The following ASTN1 variants were observed in gnomAD, a reference collection of about 807,000 sequenced individuals.
The protein encoded by ASTN1 is astrotactin 1.
In ASTN1, 41 loss-of-function variants were observed where a neutral mutation model predicts 140.7. The ratio of observed to expected loss-of-function variants is 0.29; its 90% CI spans 0.23 to 0.38. The LOEUF is 0.38. Ranked by LOEUF, ASTN1 falls within the 10% of genes least tolerant of loss-of-function variation. ASTN1 has a pLI of 1.00. For synonymous variants in ASTN1, 640 were observed against 652.2 expected, an observed-to-expected ratio of 0.98 and a Z score of 0.29; for missense variants, 1,479 against 1,678.8, an observed-to-expected ratio of 0.88 and a Z score of 2.08.
At chr1:177,071,055 C>A (rs1316232194) in intron 1 of ASTN1, among the ~76,000 whole-genome samples, 2 of 152,128 alleles carry the variant, frequency 1.3e-5, no homozygotes, top group Non-Finnish European at 1.5e-5. Flanking sequence ...CTTCATAAGT[C>A]CAGGAACTAT....
intron 6 of ASTN1, 116 bp from the exon 7 acceptor site, chr1:177,023,687 C>G (rs901136477): frequency 4.3e-5 from 49 of 1,149,464 alleles, no homozygotes; most frequent in Non-Finnish European, 5.6e-5. Context: ...GATCCTAACT[C>G]TCACCATTCC....
chr1:177,076,286 A>AAAT (rs1224129491), intron 1 of ASTN1, among the ~76,000 whole-genome samples: 1 of 149,770 alleles, frequency 6.7e-6, no homozygotes, highest in African/African-American at 2.4e-5. Flanking sequence ...CTCAAAAAAA[A>AAAT]AAAAAAAAAG....
At chr1:176,876,417 T>C in intron 21 of ASTN1, 120 bp downstream of exon 21, 1 of 1,055,590 alleles carries the variant, frequency 9.5e-7, no homozygotes, top group South Asian at 1.5e-5. Flanking sequence ...CCTTGAATTC[T>C]CCTTCCCTGC....
chr1:176,956,095 G>A (rs901265684), intron 11 of ASTN1, among the ~76,000 whole-genome samples: 2 of 152,126 alleles, frequency 1.3e-5, no homozygotes, highest in Non-Finnish European at 2.9e-5. Flanking sequence ...AAGGGAGGGT[G>A]GCACTGTGGG....
intron 1 of ASTN1, among the ~76,000 whole-genome samples, chr1:177,109,662 A>G (rs931373046): frequency 1.3e-5 from 2 of 152,232 alleles, no homozygotes. Flanking sequence ...TGAAATGCTG[A>G]TTGGAATCAA....
chr1:176,873,630 T>C (rs1668441458), intron 21 of ASTN1, among the ~76,000 whole-genome samples: 1 of 152,166 alleles, frequency 6.6e-6, no homozygotes, highest in Admixed American at 6.5e-5. Flanking sequence ...AAGCATATGG[T>C]ATTTTGGTAG....
intron 16 of ASTN1, among the ~76,000 whole-genome samples, chr1:176,918,466 T>C (rs559199540): frequency 3.2e-4 from 49 of 152,298 alleles, no homozygotes; most frequent in Non-Finnish European, 4.9e-4. Flanking sequence ...CCCGGCAACA[T>C]GTTCCATCTC....
chr1:177,142,200 T>A (rs1310465831), intron 1 of ASTN1, among the ~76,000 whole-genome samples: 1 of 152,168 alleles, frequency 6.6e-6, no homozygotes, highest in Non-Finnish European at 1.5e-5. Context: ...AAAATAATAA[T>A]TACACATTGT....
At chr1:176,923,189 A>G (rs1367644591) in intron 16 of ASTN1, among the ~76,000 whole-genome samples, 1 of 152,226 alleles carries the variant, frequency 6.6e-6, no homozygotes, top group Non-Finnish European at 1.5e-5. Flanking sequence ...TAACCTATTT[A>G]ACCTTGAGTC....
intron 16 of ASTN1, among the ~76,000 whole-genome samples, chr1:176,896,146 T>C (rs777885086): frequency 1.3e-5 from 2 of 152,174 alleles, no homozygotes; most frequent in African/African-American, 2.4e-5. Flanking sequence ...TATGAGCCCA[T>C]TTAGAAACAT....
At chr1:176,873,579 G>A (rs1317312527) in intron 21 of ASTN1, among the ~76,000 whole-genome samples, 7 of 152,090 alleles carry the variant, frequency 4.6e-5, no homozygotes, top group Non-Finnish European at 8.8e-5. Flanking sequence ...TGAGTGCTGC[G>A]AGATCATATT....
intron 8 of ASTN1, among the ~76,000 whole-genome samples, chr1:176,979,929 AT>A (rs1183604088): frequency 6.6e-6 from 1 of 152,234 alleles, no homozygotes; most frequent in Non-Finnish European, 1.5e-5. Flanking sequence ...TAACACCAGC[AT>A]CAACAATCTT....
At chr1:177,111,149 C>T (rs535244345) in intron 1 of ASTN1, among the ~76,000 whole-genome samples, 6 of 152,312 alleles carry the variant, frequency 3.9e-5, no homozygotes, top group Admixed American at 6.5e-5. Flanking sequence ...CTCTTCTTTG[C>T]CAAGCACTTG....
At chr1:176,892,882 A>G (rs917706786) in intron 17 of ASTN1, among the ~76,000 whole-genome samples, 2 of 152,236 alleles carry the variant, frequency 1.3e-5, no homozygotes, top group Admixed American at 1.3e-4. Context: ...ATGTCTAAGG[A>G]AGAAACATGT....
intron 8 of ASTN1, among the ~76,000 whole-genome samples, chr1:177,012,642 C>T (rs1675347116): frequency 6.6e-6 from 1 of 152,206 alleles, no homozygotes; most frequent in East Asian, 1.9e-4. Context: ...AACATTTCCC[C>T]TGAGACTCTT....
intron 1 of ASTN1, among the ~76,000 whole-genome samples, chr1:177,102,949 C>G (rs1680369853): frequency 6.6e-6 from 1 of 152,208 alleles, no homozygotes; most frequent in Admixed American, 6.5e-5. Context: ...AGGCTATTCT[C>G]TAACCATAAT....
At chr1:176,860,940 A>T, downstream of ASTN1, 1 of 344,202 alleles carries the variant, frequency 2.9e-6, no homozygotes, top group Non-Finnish European at 4.1e-6. Flanking sequence ...TTTTCCAGTT[A>T]GAATGATGAC....
Position 177,123,423 on chromosome 1 carries a change from A to G in ASTN1, c.283+40971T>C, listed in dbSNP as rs866065565. On this transcript the variant is annotated intron_variant, in intron 1 of 22. Coordinates refer to ENST00000361833, the MANE Select transcript of ASTN1 (RefSeq NM_004319.3). ...GCCTAGCACATTTTGTGGTTTATTG[A>G]GTTCTCAAAAATATAATACCTTAGA... Among the ~76,000 whole-genome samples, 2 of 152,224 alleles carry G rather than the reference A, an allele frequency of 1.3e-5. 1 individual carries two copies. Among genetic ancestry groups the G allele is most frequent in the South Asian group, 4.1e-4 (2 of 4,834 alleles).
Position 176,949,291 on chromosome 1 carries a change from C to T in ASTN1, c.1948G>A (p.Val650Met). Reference protein sequence around the residue: ...SSGCYDRHIGVDCSDGFNGGC... With the variant: ...SSGCYDRHIGMDCSDGFNGGC... ...CCGTTGAAGCCGTCGGAACAGTCCA[C>T]CCCGATGTGGCGGTCATAGCAGCCA... The change falls in exon 12 of 23, where the codon GTG (valine) becomes ATG (methionine). Residue 650 changes from valine (V) to methionine (M), a missense_variant. This residue lies in a region of ASTN1 where 729 missense variants were observed against 860.4 expected (regional missense o/e 0.85). Coordinates refer to ENST00000361833, the MANE Select transcript of ASTN1 (RefSeq NM_004319.3). 1 of 1,614,142 alleles carries T rather than the reference C, an allele frequency of 6.2e-7. No individual in the cohort carries two copies.
Sources: gnomAD v4.1 joint callset for allele counts (sites outside exome capture counted in the v4.1 genomes callset) on GRCh38, gnomAD v4.1.1 for gene constraint, gnomAD v4.1.1 regional missense constraint, MANE v1.5 for transcripts, NCBI Gene and HGNC (gene_info 2026-07-23, HGNC 2026-07-21) for gene names.